ICMT: variants seen among roughly 807,000 people sequenced by gnomAD.
The protein encoded by ICMT is protein-S-isoprenylcysteine O-methyltransferase.
A neutral mutation model predicts 32.2 loss-of-function variants in ICMT; 10 were observed. The observed-to-expected ratio is 0.31, with a 90% confidence interval of 0.19 to 0.53. The LOEUF (loss-of-function observed/expected upper bound fraction) is 0.53, where lower values mean the gene tolerates loss of function less well. Among genes scored for constraint, ICMT ranks in the 20% least tolerant of loss-of-function variants. The pLI is 0.96. For missense variants in ICMT, 265 were observed against 356.9 expected, an observed-to-expected ratio of 0.74 and a Z score of 2.07; for synonymous variants, 183 against 158.2, an observed-to-expected ratio of 1.16 and a Z score of -1.18.
intron 3 of ICMT, among the ~76,000 whole-genome samples, chr1:6,232,846 C>A (rs944887659): frequency 6.6e-6 from 1 of 151,700 alleles, no homozygotes; most frequent in African/African-American, 2.4e-5. Context: ...CTGCACCCGA[C>A]CTTGTTAGTA....
chr1:6,233,795 T>A (rs1668773228), intron 2 of ICMT, 152 bp from the exon 3 acceptor site: 2 of 601,146 alleles, frequency 3.3e-6, no homozygotes, highest in Admixed American at 6.7e-5. Flanking sequence ...CAGCATCTAC[T>A]ACCTCAGGTT....
In ICMT at chr1:6,222,388, A is replaced by G. The variant is rs1571221057; in HGVS notation, c.*2692T>C. ...CGGTGAGCCGAAATGGTGCCACTGC[A>G]CTCCAGCCTCCAGCCTGGGCCACAG... On this transcript the variant is annotated 3_prime_UTR_variant, in exon 5 of 5. Coordinates refer to ENST00000343813, the MANE Select transcript of ICMT (RefSeq NM_012405.4). The G allele has an allele frequency of 6.6e-6, 1 of 152,322 alleles. No individual in the cohort carries two copies. Among genetic ancestry groups the G allele is most frequent in the Non-Finnish European group, 1.5e-5 (1 of 68,152 alleles). 9.4% of individuals were successfully genotyped at this position (152,322 alleles called of 1,614,324 possible).
At chr1:6,231,646 G>A (rs553178734) in intron 4 of ICMT, among the ~76,000 whole-genome samples, 29 of 152,058 alleles carry the variant, frequency 1.9e-4, no homozygotes, top group Non-Finnish European at 2.8e-4. Flanking sequence ...AAGGACTTAC[G>A]CACCCAGGTT....
chr1:6,229,035 A>T (rs1668689042), intron 4 of ICMT, among the ~76,000 whole-genome samples: 1 of 150,564 alleles, frequency 6.6e-6, no homozygotes, highest in Non-Finnish European at 1.5e-5. Flanking sequence ...TCTGTCTCAA[A>T]AAAAAAAAAG....
chr1:6,234,801 G>A (rs1668791815), intron 2 of ICMT, 85 bp downstream of exon 2: 15 of 1,014,124 alleles, frequency 1.5e-5, no homozygotes, highest in Non-Finnish European at 1.9e-5. Context: ...GGTCACAGAT[G>A]AGACAGGGAT....
Position 6,235,938 on chromosome 1 carries a change from G to A in ICMT, c.-27C>T, listed in dbSNP as rs1668822016. On this transcript the variant is annotated 5_prime_UTR_variant, in exon 1 of 5. Coordinates refer to ENST00000343813, the MANE Select transcript of ICMT (RefSeq NM_012405.4). ...GCGCCGGGCGGCGGACTAGCGGGCG[G>A]CGGCGCCGGCTGTAGCCCGGAGAAA... The A allele has an allele frequency of 4.9e-6, 5 of 1,024,924 alleles. No homozygotes were observed. Among genetic ancestry groups the A allele is most frequent in the East Asian group, 1.2e-4 (2 of 16,614 alleles). The allele number at this position is 1,024,924 out of a possible 1,614,324, so 63.5% of individuals were successfully genotyped here. A position where few individuals can be genotyped will look rare whatever the true frequency, so the allele number is the denominator to read the frequency against.
intron 1 of ICMT, among the ~76,000 whole-genome samples, chr1:6,235,329 T>C (rs1668804729): frequency 6.6e-6 from 1 of 152,162 alleles, no homozygotes; most frequent in African/African-American, 2.4e-5. Flanking sequence ...TTCAGGGCTG[T>C]AGGAAAACTG....
At chr1:6,230,757 C>T (rs932244797) in intron 4 of ICMT, among the ~76,000 whole-genome samples, 19 of 151,686 alleles carry the variant, frequency 1.3e-4, no homozygotes, top group Admixed American at 6.6e-4. Context: ...GGTGTGGTGG[C>T]GGGCGCCTGT....
At chr1:6,233,773 G>T in intron 2 of ICMT, 130 bp from the exon 3 acceptor site, 1 of 678,636 alleles carries the variant, frequency 1.5e-6, no homozygotes, top group Non-Finnish European at 2.4e-6. Context: ...AGTGGACACA[G>T]GTACCCATCT....
In ICMT at chr1:6,224,468, A is replaced by G. The variant is rs1455827017; in HGVS notation, c.*612T>C. ...TAGAACACCAAGCATTGAGCTAGGA[A>G]TACCCCTTTGAATGTGTACTGCTAC... On this transcript the variant is annotated 3_prime_UTR_variant, in exon 5 of 5. Transcript: ENST00000343813. 6.6e-6 allele frequency: 1 copy of G among 152,274 alleles called. No homozygotes were observed. Among genetic ancestry groups the G allele is most frequent in the African/African-American group, 2.4e-5 (1 of 41,462 alleles). 9.4% of individuals were successfully genotyped at this position (152,274 alleles called of 1,614,324 possible).
chr1:6,233,734 C>CTA, intron 2 of ICMT, 91 bp from the exon 3 acceptor site: 1 of 1,008,998 alleles, frequency 9.9e-7, no homozygotes, highest in Non-Finnish European at 1.5e-6. Context: ...GTCCCTAAGT[C>CTA]TATGAGGCCC....
At position 6,234,188 on chromosome 1, in the gene ICMT, G is replaced by T. The variant is rs1160493228; in HGVS notation, c.285-545C>A. On this transcript the variant is annotated intron_variant, in intron 2 of 4. Transcript: ENST00000343813. ...CCGCGCCCGGCAAGGGACTGTTTTTGAATGTCACAGGCAAAACAAACCCAT... is the reference window on the plus strand; with the variant it reads ...CCGCGCCCGGCAAGGGACTGTTTTTTAATGTCACAGGCAAAACAAACCCAT... Among the ~76,000 whole-genome samples the T allele has an allele frequency of 3.9e-5, 6 of 152,164 alleles. No individual in the cohort carries two copies. In the East Asian group the frequency reaches 5.8e-4, roughly 15 times the overall value.
intron 3 of ICMT, among the ~76,000 whole-genome samples, chr1:6,232,796 C>A (rs1351186005): frequency 1.3e-5 from 2 of 152,112 alleles, no homozygotes; most frequent in Non-Finnish European, 2.9e-5. Flanking sequence ...GATCCACCCA[C>A]CTCGGCCTCC....
At position 6,222,135 on chromosome 1, in the gene ICMT, TC is replaced by T. The variant is rs1668564425; in HGVS notation, c.*2944del. ...CCAAATCCTGTCCTTAAGGAGTTCATCTTGGCTGGGCGTGGTGGCTCACGCC... is the reference window on the plus strand; with the variant it reads ...CCAAATCCTGTCCTTAAGGAGTTCATTTGGCTGGGCGTGGTGGCTCACGCC... On this transcript the variant is annotated 3_prime_UTR_variant, in exon 5 of 5. Transcript: ENST00000343813. The T allele has an allele frequency of 1.3e-5, 2 of 152,188 alleles. No individual in the cohort carries two copies. Among genetic ancestry groups the T allele is most frequent in the African/African-American group, 4.8e-5 (2 of 41,444 alleles). 9.4% of individuals were successfully genotyped at this position (152,188 alleles called of 1,614,324 possible).
At chr1:6,234,056 C>A (rs1342896329) in intron 2 of ICMT, among the ~76,000 whole-genome samples, 1 of 152,156 alleles carries the variant, frequency 6.6e-6, no homozygotes, top group African/African-American at 2.4e-5. Context: ...GCTATGTTGG[C>A]AAGGCTGGTC....
chr1:6,230,761 C>T (rs1415537661), intron 4 of ICMT, among the ~76,000 whole-genome samples: 3 of 151,426 alleles, frequency 2.0e-5, no homozygotes, highest in Non-Finnish European at 2.9e-5. Context: ...TGGTGGCGGG[C>T]GCCTGTAGTC....
rs1409221695 is a variant in ICMT at position 6,221,595 on chromosome 1, G to A, written c.*3485C>T. Reference sequence around the variant, plus strand: ...GGTACTCCTAAGCAGCTAGCTGTTGGCGAGATCTTACAAAGCCTGATCGGC... The same window carrying A: ...GGTACTCCTAAGCAGCTAGCTGTTGACGAGATCTTACAAAGCCTGATCGGC... On this transcript the variant is annotated 3_prime_UTR_variant, in exon 5 of 5. Transcript: ENST00000343813. 1 of 152,698 alleles carries A rather than the reference G, an allele frequency of 6.5e-6. No homozygotes were observed. Among genetic ancestry groups the A allele is most frequent in the Non-Finnish European group, 1.5e-5 (1 of 68,060 alleles). 9.5% of individuals were successfully genotyped at this position (152,698 alleles called of 1,614,324 possible).
Position 6,223,505 on chromosome 1 carries a change from A to G in ICMT, c.*1575T>C, listed in dbSNP as rs559059238. On this transcript the variant is annotated 3_prime_UTR_variant, in exon 5 of 5. Coordinates refer to ENST00000343813, the MANE Select transcript of ICMT (RefSeq NM_012405.4). ...AAGCCATGAAATCTAGAAATAAGTC[A>G]TATTTCTGAGTTGATAAAATGCTTT... 131 of 152,556 alleles carry G rather than the reference A, an allele frequency of 8.6e-4. 1 individual carries two copies. Among genetic ancestry groups the G allele is most frequent in the Non-Finnish European group, 4.3e-4 (29 of 68,026 alleles). The allele number at this position is 152,556 out of a possible 1,614,324, so 9.5% of individuals were successfully genotyped here.
intron 4 of ICMT, among the ~76,000 whole-genome samples, chr1:6,229,023 ACT>A (rs1399062326): frequency 7.0e-6 from 1 of 142,178 alleles, no homozygotes; most frequent in Non-Finnish European, 1.5e-5. Flanking sequence ...ACAAAGTGAG[ACT>A]CTGTCTCAAA....
Sources: allele counts gnomAD v4.1 joint callset (sites outside exome capture counted in the v4.1 genomes callset), GRCh38; gene constraint gnomAD v4.1.1; transcripts MANE v1.5; gene names NCBI Gene and HGNC (gene_info 2026-07-23, HGNC 2026-07-21).